SERPINA11: variants seen among roughly 807,000 people sequenced by gnomAD.
The protein encoded by SERPINA11 is serpin A11.
In SERPINA11, 28 loss-of-function variants were observed where a neutral mutation model predicts 29.4. The observed-to-expected ratio is 0.95, with a 90% CI of 0.70 to 1.30. SERPINA11 has a LOEUF of 1.30. SERPINA11 is among the 50% of genes most tolerant of loss of function. SERPINA11 has a pLI of 0.00. For missense variants in SERPINA11, 530 were observed against 507.3 expected, an observed-to-expected ratio of 1.04 and a Z score of -0.43; for synonymous variants, 253 against 206.6, an observed-to-expected ratio of 1.22 and a Z score of -1.92.
rs536491958 is a variant in SERPINA11, at chr14:94,446,812, G to C, written c.644-208C>G. On this transcript the variant is annotated intron_variant, in intron 2 of 4. Transcript: ENST00000334708. ...TTGAGCACTAACAGCCTACGATTTT[G>C]TTCCATTTCAGAGGAACTTAGCTTC... 3.0e-4 allele frequency among the ~76,000 whole-genome samples: 46 copies of C among 152,290 alleles called. No individual in the cohort carries two copies. In the East Asian group the frequency reaches 8.5e-3, roughly 28 times the overall value.
Position 94,448,358 on chromosome 14 carries a change from G to A in SERPINA11, c.417C>T (p.Asn139=), listed in dbSNP as rs114734035. Residue 139 remains asparagine, a synonymous_variant, in exon 2 of 5, where the codon AAC becomes AAT. Transcript: ENST00000334708. ...PSPKLELKVG[N]SLFLDKRLKP... is the part of the protein sequence containing the mutation. ...TTAGTCGCTTGTCTAGGAACAGGGAGTTTCCTACTTTTAGTTCGAGTTTGG... is the reference window on the plus strand; with the variant it reads ...TTAGTCGCTTGTCTAGGAACAGGGAATTTCCTACTTTTAGTTCGAGTTTGG... 1 of 1,614,228 alleles carries A rather than the reference G, an allele frequency of 6.2e-7. No individual in the cohort carries two copies. Among genetic ancestry groups the A allele is most frequent in the Non-Finnish European group, 8.5e-7 (1 of 1,180,040 alleles).
At chr14:94,449,301 A>G (rs140847327) in intron 1 of SERPINA11, among the ~76,000 whole-genome samples, 1,730 of 152,228 alleles carry the variant, frequency 0.011, 49 homozygotes, top group African/African-American at 0.04. Flanking sequence ...GTACCACTGC[A>G]CTCCAGCCTG....
At chr14:94,443,000 T>C (rs1383957320) in intron 4 of SERPINA11, 78 bp downstream of exon 4, 2 of 1,500,668 alleles carry the variant, frequency 1.3e-6, no homozygotes, top group Non-Finnish European at 1.8e-6. Flanking sequence ...AACTTGACTT[T>C]TAAATGTCCC....
intron 2 of SERPINA11, 126 bp downstream of exon 2, chr14:94,448,006 G>A (rs1342645440): frequency 2.1e-6 from 2 of 931,166 alleles, no homozygotes; most frequent in Non-Finnish European, 3.3e-6. Flanking sequence ...ACGCAAGGGT[G>A]GGAAAGCTCT....
intron 1 of SERPINA11, 127 bp from the exon 2 acceptor site, chr14:94,448,904 A>G: frequency 1.2e-6 from 1 of 800,150 alleles, no homozygotes; most frequent in Non-Finnish European, 1.8e-6. Context: ...ACTGAAGAAG[A>G]CAAGGCTGTG....
Position 94,448,585 on chromosome 14 carries a change from C to T in SERPINA11, c.190G>A (p.Glu64Lys), listed in dbSNP as rs746528406. 9.3e-6 allele frequency: 15 copies of T among 1,614,050 alleles called. No individual in the cohort carries two copies. The highest frequency in any genetic ancestry group is 2.2e-5 in the East Asian group (1 of 44,876). ...ITNFALRLYK[E>K]LAADAPGNIF... The stretch of plus-strand genomic sequence containing the variant: ...TTTCCGGGGGCGTCTGCTGCCAGCT[C>T]TTTATACAAACGCAAAGCAAAATTG... The change falls in exon 2 of 5, where the codon GAG becomes AAG. Residue 64 changes from glutamate to lysine, a missense_variant. Physicochemically the swap from Glu to Lys is moderately conservative, Grantham distance 56. Coordinates refer to ENST00000334708, the MANE Select transcript of SERPINA11 (RefSeq NM_001080451.2).
chr14:94,447,779 A>G (rs1388086620), intron 2 of SERPINA11, among the ~76,000 whole-genome samples: 1 of 151,656 alleles, frequency 6.6e-6, no homozygotes. Flanking sequence ...TTCAACCTGA[A>G]CCCTCTTTGC....
In SERPINA11 at chr14:94,452,716, G is replaced by A. The variant is rs1305375846; in HGVS notation, c.-4+13C>T. On this transcript the variant is annotated intron_variant, in intron 1 of 4. Transcript: ENST00000334708. ...GCCCCTGCCCTCATTTTGGGCACAGGCAAAGTACTTACAGAGCAAAGGCAC... is the reference window on the plus strand; with the variant it reads ...GCCCCTGCCCTCATTTTGGGCACAGACAAAGTACTTACAGAGCAAAGGCAC... 6.6e-6 allele frequency: 1 copy of A among 151,700 alleles called. No homozygotes were observed. The highest frequency in any genetic ancestry group is 1.5e-5 in the Non-Finnish European group (1 of 68,366). 9.4% of individuals were successfully genotyped at this position (151,700 alleles called of 1,614,324 possible).
Position 94,449,467 on chromosome 14 carries a change from TTCTTTCTTTCTTTCTG to T in SERPINA11, c.-3-706_-3-691del, listed in dbSNP as rs1475761156. Among the ~76,000 whole-genome samples, 412 of 88,130 alleles carry T rather than the reference TTCTTTCTTTCTTTCTG, an allele frequency of 4.7e-3. 22 individuals carry two copies. Among genetic ancestry groups the T allele is most frequent in the East Asian group, 0.041 (152 of 3,742 alleles). The allele number at this position is 88,130 out of a possible 152,430, so 57.8% of individuals were successfully genotyped here. On this transcript the variant is annotated intron_variant, in intron 1 of 4. Coordinates refer to ENST00000334708, the MANE Select transcript of SERPINA11 (RefSeq NM_001080451.2). ...TTTCTTTCTTTCTTTCTTTCTTTCT[TTCTTTCTTTCTTTCTG>T]TCTGTCTGTCTTTCTTTCTCTTTCT... is the stretch of plus-strand genomic sequence containing the variant.
chr14:94,450,466 C>T (rs781257236), intron 1 of SERPINA11, among the ~76,000 whole-genome samples: 3 of 152,056 alleles, frequency 2.0e-5, no homozygotes, highest in Admixed American at 2.0e-4. Context: ...CCGAGGAAAG[C>T]GAAAGATGGC....
intron 1 of SERPINA11, among the ~76,000 whole-genome samples, chr14:94,450,170 A>AT (rs966394366): frequency 7.9e-5 from 12 of 151,742 alleles, no homozygotes; most frequent in Non-Finnish European, 1.2e-4. Context: ...AAACCTCTCT[A>AT]TTTTTTTTAT....
At chr14:94,447,494 C>T (rs1898468279) in intron 2 of SERPINA11, among the ~76,000 whole-genome samples, 1 of 152,188 alleles carries the variant, frequency 6.6e-6, no homozygotes, top group Non-Finnish European at 1.5e-5. Context: ...CCCTTTCTCC[C>T]TTCCAAACCA....
chr14:94,449,714 A>G (rs996955463), intron 1 of SERPINA11, among the ~76,000 whole-genome samples: 17 of 151,902 alleles, frequency 1.1e-4, no homozygotes, highest in African/African-American at 4.1e-4. Context: ...GGAAAGAAGT[A>G]AACAAAATTT....
chr14:94,451,120 T>G (rs1390462549), intron 1 of SERPINA11, among the ~76,000 whole-genome samples: 1 of 152,240 alleles, frequency 6.6e-6, no homozygotes, highest in Non-Finnish European at 1.5e-5. Context: ...AATAATTTTT[T>G]GCCTAAACCA....
chr14:94,450,490 G>A (rs1043552156), intron 1 of SERPINA11, among the ~76,000 whole-genome samples: 5 of 152,172 alleles, frequency 3.3e-5, no homozygotes, highest in African/African-American at 1.2e-4. Context: ...CAAACTAGGA[G>A]AGAGGCAAAG....
intron 2 of SERPINA11, 135 bp downstream of exon 2, chr14:94,447,997 C>A (rs978500795): frequency 1.6e-4 from 133 of 847,366 alleles, no homozygotes; most frequent in African/African-American, 1.7e-5. Flanking sequence ...ACTGTGGCTA[C>A]GCAAGGGTGG....
chr14:94,451,822 G>GGAA (rs1898592243), intron 1 of SERPINA11, among the ~76,000 whole-genome samples: 1 of 152,206 alleles, frequency 6.6e-6, no homozygotes, highest in African/African-American at 2.4e-5. Context: ...GTACTCAATG[G>GGAA]CAGTTTTTTT....
At chr14:94,449,392 C>CCTT (rs1808796481) in intron 1 of SERPINA11, among the ~76,000 whole-genome samples, 2 of 37,892 alleles carry the variant, frequency 5.3e-5, no homozygotes, top group Admixed American at 4.9e-4. Flanking sequence ...CTCCCTCCCT[C>CCTT]TTTCTTTCTT....
At position 94,443,182 on chromosome 14, in the gene SERPINA11, A is replaced by G. The variant is rs753089671; in HGVS notation, c.961T>C (p.Tyr321His). ...TGGGGAAGTATGTCTTCCAGGTTAT[A>G]TGTTCCAGAAATTGAAAACCTTGGC... ...HLPRFSISGT[Y>H]NLEDILPQIG... is the part of the protein sequence containing the mutation. Residue 321 changes from tyrosine to histidine, a missense_variant, in exon 4 of 5, where the codon TAT becomes CAT. Tyr to His is a moderately conservative substitution (Grantham distance 83, BLOSUM62 2). Coordinates refer to ENST00000334708, the MANE Select transcript of SERPINA11 (RefSeq NM_001080451.2). 2.5e-6 allele frequency: 4 copies of G among 1,614,014 alleles called. No homozygotes were observed. Among genetic ancestry groups the G allele is most frequent in the Non-Finnish European group, 2.5e-6 (3 of 1,179,946 alleles).
Sources: gnomAD v4.1 joint callset for allele counts (sites outside exome capture counted in the v4.1 genomes callset) on GRCh38, gnomAD v4.1.1 for gene constraint, MANE v1.5 for transcripts, NCBI Gene and HGNC (gene_info 2026-07-23, HGNC 2026-07-21) for gene names.